The following CFAP47 variants were observed in gnomAD, a reference collection of about 807,000 sequenced individuals.
CFAP47 encodes cilia- and flagella-associated protein 47.
CFAP47 carries 29 observed loss-of-function variants against 148.1 expected under a neutral mutation model. The observed-to-expected ratio is 0.20, with a 90% CI of 0.15 to 0.27. The LOEUF (loss-of-function observed/expected upper bound fraction) is 0.27, where lower values mean the gene tolerates loss of function less well. Among genes scored for constraint, CFAP47 ranks in the 10% least tolerant of loss-of-function variants. CFAP47 has a pLI of 1.00. For synonymous variants in CFAP47, 664 were observed against 577.3 expected (o/e 1.15, Z -2.15); for missense variants, 1,872 against 1,697.5 (o/e 1.10, Z -1.81).
intron 29 of CFAP47, among the ~76,000 whole-genome samples, chrX:36,077,960 C>T (rs1256214165): frequency 1.8e-4 from 20 of 109,634 alleles, no homozygotes; most frequent in African/African-American, 5.3e-4. Flanking sequence ...ACCCATGAGG[C>T]GGAGGTTGCA....
rs189557599 is a variant in CFAP47 at position 36,007,708 on chromosome X, T to C, written c.3417+6001T>C. Among the ~76,000 whole-genome samples, 37 of 111,942 alleles carry C rather than the reference T, an allele frequency of 3.3e-4. No individual in the cohort carries two copies. The East Asian group carries it at 0.01, about 31-fold the overall frequency. On this transcript the variant is annotated intron_variant, in intron 21 of 63. Transcript: ENST00000378653. ...TAGACCTACTTTGGATAAAAACATA[T>C]TTTATGCAAATTGTGTGTGAAGATG...
chrX:36,123,249 C>G (rs1164053636), intron 33 of CFAP47, among the ~76,000 whole-genome samples: 1 of 112,407 alleles, frequency 8.9e-6, no homozygotes, highest in Non-Finnish European at 1.9e-5. Flanking sequence ...GTGAGCACAG[C>G]ACTGGGTCTT....
At chrX:35,954,000 A>C (rs1427517256) in intron 7 of CFAP47, among the ~76,000 whole-genome samples, 1 of 110,712 alleles carries the variant, frequency 9.0e-6, no homozygotes, top group Admixed American at 9.7e-5. Context: ...AGAAAAAAAA[A>C]CCCGGATTTG....
Position 36,034,140 on chromosome X carries a change from G to A in CFAP47, c.3652-1555G>A, listed in dbSNP as rs771622371. Among the ~76,000 whole-genome samples the A allele has an allele frequency of 1.1e-4, 12 of 111,247 alleles. No individual in the cohort carries two copies. In the South Asian group the frequency reaches 3.0e-3, roughly 28 times the overall value. On this transcript the variant is annotated intron_variant, in intron 23 of 63. Transcript: ENST00000378653. ...GTCTCATCCAACCTGTGACAGGCTC[G>A]CAATCTTGCTTATTTTTTATTATCT... is the stretch of plus-strand genomic sequence containing the variant.
At chrX:36,369,429 AT>A (rs1410095509) in intron 62 of CFAP47, among the ~76,000 whole-genome samples, 1 of 110,561 alleles carries the variant, frequency 9.0e-6, no homozygotes, top group East Asian at 2.8e-4. Flanking sequence ...CCTTTATAAT[AT>A]TGATGCTGGA....
chrX:36,052,898 T>C (rs1027459455), intron 26 of CFAP47, among the ~76,000 whole-genome samples: 2 of 111,922 alleles, frequency 1.8e-5, no homozygotes, highest in African/African-American at 6.5e-5. Flanking sequence ...CTTTAAAATG[T>C]ATATTTAGCA....
At chrX:35,963,536 A>T (rs1312136165) in intron 8 of CFAP47, among the ~76,000 whole-genome samples, 9 of 111,039 alleles carry the variant, frequency 8.1e-5, no homozygotes, top group Non-Finnish European at 1.5e-4. Flanking sequence ...TTTATTACAT[A>T]GGTAAATGTG....
At chrX:36,106,409 C>T (rs1938466960) in intron 33 of CFAP47, among the ~76,000 whole-genome samples, 1 of 111,644 alleles carries the variant, frequency 9.0e-6, no homozygotes, top group African/African-American at 3.3e-5. Context: ...TAACAGAATA[C>T]CATAGACTGG....
chrX:36,218,006 CAGT>C (rs1555990340), intron 45 of CFAP47, among the ~76,000 whole-genome samples: 3 of 111,964 alleles, frequency 2.7e-5, no homozygotes, highest in Non-Finnish European at 5.6e-5. Flanking sequence ...TCAGAAATTT[CAGT>C]AGTCTTTTCC....
chrX:36,047,162 T>A lies in CFAP47; in HGVS notation c.4217+99T>A, dbSNP rs189278300. 2.1e-5 allele frequency: 12 copies of A among 579,815 alleles called. No homozygotes were observed. In the East Asian group the frequency reaches 4.4e-4, roughly 21 times the overall value. The allele number at this position is 579,815 out of a possible 1,213,427, so 47.8% of individuals were successfully genotyped here. ...AAATGTTAAAAAGAGAGGGATCTAA[T>A]ATAATAACCTTGGACATAAAGATTA... On this transcript the variant is annotated intron_variant, in intron 26 of 63. Transcript: ENST00000378653.
At chrX:36,008,774 GAATA>G (rs1012142552) in intron 21 of CFAP47, among the ~76,000 whole-genome samples, 4 of 109,450 alleles carry the variant, frequency 3.7e-5, no homozygotes, top group Non-Finnish European at 7.6e-5. Flanking sequence ...TGTCTCAAAA[GAATA>G]AATAAATAAA....
At chrX:36,009,908 C>T (rs146083757) in intron 21 of CFAP47, among the ~76,000 whole-genome samples, 1,361 of 111,247 alleles carry the variant, frequency 0.012, 31 homozygotes, top group African/African-American at 0.042. Flanking sequence ...GTTGTCATGA[C>T]CTTGGAGGTT....
At chrX:36,149,519 C>T (rs1185369792) in intron 37 of CFAP47, among the ~76,000 whole-genome samples, 4 of 109,937 alleles carry the variant, frequency 3.6e-5, no homozygotes, top group Admixed American at 9.8e-5. Context: ...CATTCTGTTT[C>T]CTGCAGGAAA....
At chrX:36,336,721 G>A (rs945428474) in intron 57 of CFAP47, among the ~76,000 whole-genome samples, 2 of 111,605 alleles carry the variant, frequency 1.8e-5, no homozygotes, top group African/African-American at 3.3e-5. Context: ...GCTGTGACTC[G>A]TGTCATGTTG....
At chrX:36,348,736 G>T (rs1348449106) in intron 58 of CFAP47, among the ~76,000 whole-genome samples, 1 of 111,484 alleles carries the variant, frequency 9.0e-6, no homozygotes, top group African/African-American at 3.3e-5. Context: ...TCCATCATAT[G>T]AAACTGCCAT....
At chrX:36,083,166 T>C (rs1388006136) in intron 29 of CFAP47, among the ~76,000 whole-genome samples, 1 of 110,782 alleles carries the variant, frequency 9.0e-6, no homozygotes, top group Non-Finnish European at 1.9e-5. Context: ...CTTTGCAGGA[T>C]GTTTCCCCAG....
At chrX:36,142,696 G>A (rs111458592) in intron 35 of CFAP47, among the ~76,000 whole-genome samples, 4,901 of 111,045 alleles carry the variant, frequency 0.044, 277 homozygotes, top group African/African-American at 0.15. Flanking sequence ...CATTAAAAAC[G>A]TATTTTTTAA....
Position 36,291,072 on chromosome X carries a change from T to C in CFAP47, c.7686+5346T>C, listed in dbSNP as rs113687340. On this transcript the variant is annotated intron_variant, in intron 51 of 63. Transcript: ENST00000378653. ...AACCCCACCCAGTGTGCAGTGAGCTTAGAAAGCTTTAGCATTGGAAATTAG... is the reference window on the plus strand; with the variant it reads ...AACCCCACCCAGTGTGCAGTGAGCTCAGAAAGCTTTAGCATTGGAAATTAG... Among the ~76,000 whole-genome samples the C allele has an allele frequency of 2.4e-3, 270 of 112,061 alleles. 1 individual carries two copies. The highest frequency in any genetic ancestry group is 4.3e-3 in the Non-Finnish European group (229 of 53,186).
At chrX:35,970,643 G>T (rs1337982987) in intron 10 of CFAP47, 125 bp from the exon 11 acceptor site, 2 of 445,597 alleles carry the variant, frequency 4.5e-6, no homozygotes, top group African/African-American at 5.1e-5. Flanking sequence ...GGAAGGACTA[G>T]AATCTGTTCT....
Sources: gnomAD v4.1 joint callset for allele counts (sites outside exome capture counted in the v4.1 genomes callset) on GRCh38, gnomAD v4.1.1 for gene constraint, MANE v1.5 for transcripts, NCBI Gene and HGNC (gene_info 2026-07-23, HGNC 2026-07-21) for gene names.